CSMD1: variants seen among roughly 807,000 people sequenced by gnomAD.
The protein encoded by CSMD1 is CUB and sushi domain-containing protein 1.
In CSMD1, 213 loss-of-function variants were observed where a neutral mutation model predicts 417.5. The ratio of observed to expected loss-of-function variants is 0.51; its 90% CI spans 0.46 to 0.57. The LOEUF (loss-of-function observed/expected upper bound fraction) is 0.57, where lower values mean the gene tolerates loss of function less well. CSMD1 is among the 20% of genes least tolerant of loss of function. The probability of loss-of-function intolerance (pLI) is 0.00; values close to 1 mark genes in which losing one functional copy is unlikely to be tolerated. For synonymous variants in CSMD1, 2,862 were observed against 1,736.8 expected (o/e 1.65, Z -16.11); for missense variants, 6,923 against 4,529.7 (o/e 1.53, Z -15.17).
At chr8:4,026,231 C>A (rs1797058321) in intron 4 of CSMD1, among the ~76,000 whole-genome samples, 1 of 152,252 alleles carries the variant, frequency 6.6e-6, no homozygotes, top group African/African-American at 2.4e-5. Flanking sequence ...AACTGTGCTG[C>A]ATCATTCAAA....
chr8:4,871,098 G>A (rs1044929652), intron 1 of CSMD1, among the ~76,000 whole-genome samples: 1 of 152,146 alleles, frequency 6.6e-6, no homozygotes, highest in Non-Finnish European at 1.5e-5. Context: ...GCCATGGGAG[G>A]AGGCAGTAGC....
intron 3 of CSMD1, among the ~76,000 whole-genome samples, chr8:4,181,445 C>A (rs1276414619): frequency 6.6e-6 from 1 of 151,842 alleles, no homozygotes; most frequent in Non-Finnish European, 1.5e-5. Flanking sequence ...GGAAAAAGAA[C>A]TGTCTTGGGT....
chr8:3,813,499 G>A (rs574378308), intron 5 of CSMD1, among the ~76,000 whole-genome samples: 51 of 152,128 alleles, frequency 3.4e-4, no homozygotes, highest in Non-Finnish European at 6.0e-4. Context: ...TGCATTAAAA[G>A]AAGGGCTGGC....
At chr8:4,690,744 T>A (rs1584949899) in intron 1 of CSMD1, among the ~76,000 whole-genome samples, 1 of 152,308 alleles carries the variant, frequency 6.6e-6, no homozygotes, top group Non-Finnish European at 1.5e-5. Context: ...ATTATTTTAT[T>A]TTTGAGACAG....
chr8:3,819,062 T>C (rs767198741), intron 5 of CSMD1, among the ~76,000 whole-genome samples: 1 of 152,180 alleles, frequency 6.6e-6, no homozygotes, highest in Non-Finnish European at 1.5e-5. Context: ...TGTAGGAAAA[T>C]GGCACAGCTT....
At chr8:4,817,790 C>G (rs749731798) in intron 1 of CSMD1, among the ~76,000 whole-genome samples, 3 of 152,146 alleles carry the variant, frequency 2.0e-5, no homozygotes, top group Non-Finnish European at 4.4e-5. Context: ...TAGAAATACA[C>G]CATCATGAGT....
rs1036413713 is a variant in CSMD1, at chr8:4,602,563, T to G, written c.302+34779A>C. On this transcript the variant is annotated intron_variant, in intron 2 of 69. Transcript: ENST00000635120. ...GGTCATTATAGTCATTGAGACAAGA[T>G]GTAAAACTCTTTAACGTGCCTACAA... Among the ~76,000 whole-genome samples, 13 of 152,224 alleles carry G rather than the reference T, an allele frequency of 8.5e-5. 1 individual carries two copies. Among genetic ancestry groups the G allele is most frequent in the African/African-American group, 3.1e-4 (13 of 41,464 alleles).
rs140555248 is a variant in CSMD1, at chr8:2,959,780, T to C, written c.9702+1361A>G. 7.8e-3 allele frequency among the ~76,000 whole-genome samples: 1,186 copies of C among 152,262 alleles called. 13 individuals carry two copies. The highest frequency in any genetic ancestry group is 0.025 in the African/African-American group (1,027 of 41,566). On this transcript the variant is annotated intron_variant, in intron 62 of 69. Coordinates refer to ENST00000635120, the MANE Select transcript of CSMD1 (RefSeq NM_033225.6). ...CTAAAGAAAACAGACAAAAATCTCA[T>C]TGGTTACTTTAAAAACTAAAATGTT...
rs149525898 is a variant in CSMD1 at position 4,913,632 on chromosome 8, G to T, written c.85+80700C>A. The stretch of plus-strand genomic sequence containing the variant: ...TTTGCAGTAGGTGTTGCTGGACCAA[G>T]ACTGAGTTCTGCGTCAACCAGATGT... On this transcript the variant is annotated intron_variant, in intron 1 of 69. Coordinates refer to ENST00000635120, the MANE Select transcript of CSMD1 (RefSeq NM_033225.6). Among the ~76,000 whole-genome samples the T allele has an allele frequency of 3.2e-4, 49 of 152,308 alleles. No individual in the cohort carries two copies. In the East Asian group the frequency reaches 9.5e-3, roughly 29 times the overall value.
intron 3 of CSMD1, among the ~76,000 whole-genome samples, chr8:4,188,598 C>A (rs1584986751): frequency 1.3e-5 from 2 of 152,220 alleles, no homozygotes; most frequent in African/African-American, 4.8e-5. Context: ...CAGTTCACTG[C>A]AAGCTTAAGA....
At chr8:3,556,013 G>C (rs1040175899) in intron 10 of CSMD1, among the ~76,000 whole-genome samples, 1 of 152,028 alleles carries the variant, frequency 6.6e-6, no homozygotes, top group Non-Finnish European at 1.5e-5. Context: ...TTCAAGGACA[G>C]AACAAATAGA....
intron 3 of CSMD1, among the ~76,000 whole-genome samples, chr8:4,412,553 C>G (rs905464594): frequency 6.6e-6 from 1 of 152,086 alleles, no homozygotes; most frequent in African/African-American, 2.4e-5. Context: ...TCCGGTATTT[C>G]TTTATACTAA....
At chr8:4,423,515 G>A (rs559385723) in intron 2 of CSMD1, among the ~76,000 whole-genome samples, 2 of 151,990 alleles carry the variant, frequency 1.3e-5, no homozygotes, top group Non-Finnish European at 2.9e-5. Context: ...AGTGTATACA[G>A]AAAAGTACAC....
chr8:4,116,430 T>C (rs7816006), intron 3 of CSMD1, among the ~76,000 whole-genome samples: 35,653 of 140,748 alleles, frequency 0.25, 5,398 homozygotes, highest in Middle Eastern at 0.38. Flanking sequence ...ACACATCAGA[T>C]GGCGACGTAT....
At chr8:4,377,488 T>G (rs1296061228) in intron 3 of CSMD1, among the ~76,000 whole-genome samples, 1 of 152,196 alleles carries the variant, frequency 6.6e-6, no homozygotes, top group African/African-American at 2.4e-5. Context: ...TTGACTATAT[T>G]TTAAAGGTTC....
intron 11 of CSMD1, among the ~76,000 whole-genome samples, chr8:3,480,834 C>G (rs1341334847): frequency 6.6e-6 from 1 of 152,020 alleles, no homozygotes; most frequent in African/African-American, 2.4e-5. Context: ...AAAAAATTAT[C>G]AGGCGTATAA....
chr8:4,240,305 G>A (rs926073058), intron 3 of CSMD1, among the ~76,000 whole-genome samples: 1 of 152,158 alleles, frequency 6.6e-6, no homozygotes, highest in South Asian at 2.1e-4. Context: ...TTATCACCTT[G>A]TACAAGTTAA....
At chr8:4,321,224 T>A (rs542889703) in intron 3 of CSMD1, among the ~76,000 whole-genome samples, 3 of 152,114 alleles carry the variant, frequency 2.0e-5, no homozygotes, top group Non-Finnish European at 4.4e-5. Flanking sequence ...AACACGTTCA[T>A]GAGGCGTGCC....
intron 3 of CSMD1, among the ~76,000 whole-genome samples, chr8:4,073,237 G>T (rs532429106): frequency 2.0e-5 from 3 of 152,138 alleles, no homozygotes; most frequent in Non-Finnish European, 4.4e-5. Context: ...AGCAATAGGT[G>T]CATTAAATGA....
Sources: gnomAD v4.1 joint callset for allele counts (sites outside exome capture counted in the v4.1 genomes callset) on GRCh38, gnomAD v4.1.1 for gene constraint, MANE v1.5 for transcripts, NCBI Gene and HGNC (gene_info 2026-07-23, HGNC 2026-07-21) for gene names.